The following C15orf40 variants were observed in gnomAD, a reference collection of about 807,000 sequenced individuals.
The protein encoded by C15orf40 is UPF0235 protein C15orf40.
Under a neutral mutation model 13.9 loss-of-function variants are expected in C15orf40, and 9 were observed. The ratio of observed to expected loss-of-function variants is 0.65; its 90% CI spans 0.39 to 1.13. The LOEUF (loss-of-function observed/expected upper bound fraction) is 1.13. C15orf40 is among the 50% of genes most tolerant of loss of function. C15orf40 has a pLI of 0.01. For missense variants in C15orf40, 225 were observed against 188.5 expected, an observed-to-expected ratio of 1.19 and a Z score of -1.13; for synonymous variants, 95 against 69.2, an observed-to-expected ratio of 1.37 and a Z score of -1.85.
Position 83,005,360 on chromosome 15 carries a change from C to T in C15orf40, c.*237G>A, listed in dbSNP as rs1200245767. The T allele has an allele frequency of 2.6e-6, 2 of 765,102 alleles. No individual in the cohort carries two copies. Among genetic ancestry groups the T allele is most frequent in the Non-Finnish European group, 3.3e-6 (2 of 604,020 alleles). 47.4% of individuals were successfully genotyped at this position (765,102 alleles called of 1,614,324 possible). A position where few individuals can be genotyped will look rare whatever the true frequency, so the allele number is the denominator to read the frequency against. The stretch of plus-strand genomic sequence containing the variant: ...AGTGCAACGGCGCGATCTCGGCTTA[C>T]TGCAACCTCCGCCCCCCAGGTTCAA... On this transcript the variant is annotated 3_prime_UTR_variant, in exon 4 of 4. Transcript: ENST00000304177.
At chr15:83,011,451 T>G in intron 1 of C15orf40, 46 bp downstream of exon 1, 1 of 1,548,318 alleles carries the variant, frequency 6.5e-7, no homozygotes. Flanking sequence ...CTTCAACAAG[T>G]ACCCCTGAGG....
chr15:82,990,996 GATT>G (rs773489171), downstream of C15orf40: 32 of 193,396 alleles, frequency 1.7e-4, no homozygotes, highest in Non-Finnish European at 3.1e-4. Context: ...TCACTTTAAT[GATT>G]ATTACAATGA....
rs758109349 is a variant in C15orf40, at chr15:83,008,651, A to G, written c.263T>C (p.Val88Ala). 2 of 1,611,526 alleles carry G rather than the reference A, an allele frequency of 1.2e-6. No homozygotes were observed. Among genetic ancestry groups the G allele is most frequent in the South Asian group, 2.2e-5 (2 of 90,418 alleles). Residue 88 changes from valine (V) to alanine (A), a missense_variant, in exon 3 of 4, where the codon GTA becomes GCA. By Grantham distance (64) the Val-to-Ala change is moderately conservative. Transcript: ENST00000304177. ...CTCTGATGGAGGTGCTGCAATAGCT[A>G]CATTTACAGCCTCTGCTGTCAAATC... The part of the protein sequence containing the change: ...VTDLTAEAVN[V>A]AIAAPPSEGE...
At position 83,004,371 on chromosome 15, in the gene C15orf40, G is replaced by A. The variant is rs964341373; in HGVS notation, c.*1226C>T. On this transcript the variant is annotated 3_prime_UTR_variant, in exon 4 of 4. Coordinates refer to ENST00000304177, the MANE Select transcript of C15orf40 (RefSeq NM_144597.3). ...CTTTCTCATGTACTTGCTGGACAAA[G>A]CGCACAACTGCAGATCAGCTCTCCT... The A allele has an allele frequency of 2.0e-6, 2 of 985,186 alleles. No individual in the cohort carries two copies. The highest frequency in any genetic ancestry group is 3.5e-5 in the African/African-American group (2 of 57,226). The allele number at this position is 985,186 out of a possible 1,614,324, so 61.0% of individuals were successfully genotyped here. A position where few individuals can be genotyped will look rare whatever the true frequency, so the allele number is the denominator to read the frequency against.
rs955371829 is a variant in C15orf40, at chr15:83,008,619, C to A, written c.295G>T (p.Ala99Ser). 6.2e-7 allele frequency: 1 copy of A among 1,613,834 alleles called. No individual in the cohort carries two copies. The highest frequency in any genetic ancestry group is 1.3e-5 in the African/African-American group (1 of 75,016). ...AGATACCGACAGAGCTCAGCATTAG[C>A]CTCTCCCTCTGATGGAGGTGCTGCA... ...AIAAPPSEGEANAELCRYLSK... is the reference protein window; with the variant it reads ...AIAAPPSEGESNAELCRYLSK... Residue 99 changes from alanine (A) to serine (S), a missense_variant, in exon 3 of 4, where the codon GCT (alanine) becomes TCT (serine). Physicochemically the swap from Ala to Ser is moderately conservative, Grantham distance 99 (BLOSUM62 1). Coordinates refer to ENST00000304177, the MANE Select transcript of C15orf40 (RefSeq NM_144597.3).
intron 3 of C15orf40, 49 bp from the exon 4 acceptor site, chr15:83,005,741 G>A (rs1228714118): frequency 6.4e-7 from 1 of 1,569,816 alleles, no homozygotes; most frequent in South Asian, 1.2e-5. Flanking sequence ...ACATTCTAAT[G>A]CTATTAGAGA....
downstream of C15orf40, chr15:82,992,046 T>C: frequency 1.7e-6 from 1 of 579,196 alleles, no homozygotes; most frequent in Non-Finnish European, 2.9e-6. Flanking sequence ...CAAGATCCTG[T>C]CTCTACAGAA....
chr15:82,991,354 GACCAA>G (rs1169459436), downstream of C15orf40, among the ~76,000 whole-genome samples: 1 of 152,082 alleles, frequency 6.6e-6, no homozygotes, highest in Non-Finnish European at 1.5e-5. Context: ...AGACCAGCCT[GACCAA>G]CATGATGAGA....
intron 3 of C15orf40, chr15:83,008,271 C>A (rs183920104): frequency 1.6e-5 from 6 of 364,216 alleles, no homozygotes; most frequent in South Asian, 1.2e-4. Context: ...CTAATCCCAG[C>A]GCTTCGGGAG....
At position 83,002,618 on chromosome 15, in the gene C15orf40, T is replaced by C. The variant is rs1213450249; in HGVS notation, c.*2979A>G. 6.6e-6 allele frequency: 1 copy of C among 152,214 alleles called. No individual in the cohort carries two copies. The highest frequency in any genetic ancestry group is 1.5e-5 in the Non-Finnish European group (1 of 68,046). 9.4% of individuals were successfully genotyped at this position (152,214 alleles called of 1,614,324 possible). ...TTTCATGTGACTTGATTTGGGCTGATACAAGGGAAGGCTGACTGAAAGCTT... is the reference window on the plus strand; with the variant it reads ...TTTCATGTGACTTGATTTGGGCTGACACAAGGGAAGGCTGACTGAAAGCTT... On this transcript the variant is annotated 3_prime_UTR_variant, in exon 4 of 4. Coordinates refer to ENST00000304177, the MANE Select transcript of C15orf40 (RefSeq NM_144597.3).
At position 83,005,308 on chromosome 15, in the gene C15orf40, G is replaced by A. The variant is rs986856541; in HGVS notation, c.*289C>T. The A allele has an allele frequency of 2.5e-5, 24 of 974,520 alleles. No homozygotes were observed. The highest frequency in any genetic ancestry group is 5.6e-5 in the Admixed American group (1 of 17,772). The allele number at this position is 974,520 out of a possible 1,614,324, so 60.4% of individuals were successfully genotyped here. A position where few individuals can be genotyped will look rare whatever the true frequency, so the allele number is the denominator to read the frequency against. On this transcript the variant is annotated 3_prime_UTR_variant, in exon 4 of 4. Transcript: ENST00000304177. ...TTATTTCTTTTTTTTCGGGGGGAGAGAGTTTCACTCTTGTTGCCCAGGCTG... is the reference window on the plus strand; with the variant it reads ...TTATTTCTTTTTTTTCGGGGGGAGAAAGTTTCACTCTTGTTGCCCAGGCTG...
At chr15:82,989,050 T>G (rs771303715), downstream of C15orf40, 13 of 1,613,408 alleles carry the variant, frequency 8.1e-6, no homozygotes, top group South Asian at 1.3e-4. Context: ...GTTCCAAAGT[T>G]TGAAGAGATG....
In C15orf40 at chr15:82,998,114, C is replaced by A. The variant is rs895852493; in HGVS notation, c.*7483G>T. 2 of 122,572 alleles carry A rather than the reference C, an allele frequency of 1.6e-5. No homozygotes were observed. The highest frequency in any genetic ancestry group is 6.3e-5 in the African/African-American group (2 of 31,612). The allele number at this position is 122,572 out of a possible 1,614,324, so 7.6% of individuals were successfully genotyped here. A position where few individuals can be genotyped will look rare whatever the true frequency, so the allele number is the denominator to read the frequency against. ...GGGGCTCCTCACTTCCCAGTAGGGGCGGCCGGGCAGAGGCGCCCCTCACCT... is the reference window on the plus strand; with the variant it reads ...GGGGCTCCTCACTTCCCAGTAGGGGAGGCCGGGCAGAGGCGCCCCTCACCT... On this transcript the variant is annotated 3_prime_UTR_variant, in exon 4 of 4. Coordinates refer to ENST00000304177, the MANE Select transcript of C15orf40 (RefSeq NM_144597.3).
downstream of C15orf40, among the ~76,000 whole-genome samples, chr15:82,989,663 T>C (rs2030774034): frequency 2.0e-5 from 3 of 152,248 alleles, no homozygotes; most frequent in Non-Finnish European, 2.9e-5. Flanking sequence ...ATAGTCTGCC[T>C]ATGTCTCTGT....
Position 83,001,249 on chromosome 15 carries a change from A to G in C15orf40, c.*4348T>C. 1 of 985,474 alleles carries G rather than the reference A, an allele frequency of 1.0e-6. No homozygotes were observed. Among genetic ancestry groups the G allele is most frequent in the Non-Finnish European group, 1.2e-6 (1 of 829,942 alleles). 61.0% of individuals were successfully genotyped at this position (985,474 alleles called of 1,614,324 possible). A position where few individuals can be genotyped will look rare whatever the true frequency, so the allele number is the denominator to read the frequency against. The stretch of plus-strand genomic sequence containing the variant: ...TCCTGCCTCCAGGGCATAATGAGCC[A>G]GGCTGTTCTTTCCCAGGATCTGTCG... On this transcript the variant is annotated 3_prime_UTR_variant, in exon 4 of 4. Coordinates refer to ENST00000304177, the MANE Select transcript of C15orf40 (RefSeq NM_144597.3).
chr15:83,011,597 A>G lies in C15orf40; in HGVS notation c.11T>C (p.Leu4Pro), dbSNP rs753453555. The G allele has an allele frequency of 2.5e-6, 4 of 1,585,264 alleles. No homozygotes were observed. The Admixed American group carries it at 5.1e-5, about 20-fold the overall frequency. The stretch of plus-strand genomic sequence containing the variant: ...CCGAAGGTGCCTCAGCCCGCTGCGG[A>G]GCCGCAGCATCCCCGCCTGGGAAGG... MLR[L>P]RSGLRHLRAT... Residue 4 changes from leucine to proline, a missense_variant, in exon 1 of 4, where the codon CTC (leucine) becomes CCC (proline). Coordinates refer to ENST00000304177, the MANE Select transcript of C15orf40 (RefSeq NM_144597.3).
At chr15:82,990,731 T>A (rs2030822550), downstream of C15orf40, 4 of 1,237,874 alleles carry the variant, frequency 3.2e-6, no homozygotes, top group Non-Finnish European at 4.6e-6. Context: ...ACACATCATT[T>A]TATACAAACA....
At chr15:82,990,772 C>T (rs950699482), downstream of C15orf40, 1 of 785,716 alleles carries the variant, frequency 1.3e-6, no homozygotes, top group Non-Finnish European at 2.1e-6. Flanking sequence ...CATAGCAGGT[C>T]AAAATTCACA....
Position 83,000,595 on chromosome 15 carries a change from TTG to T in C15orf40, c.*5000_*5001del, listed in dbSNP as rs1165085942. On this transcript the variant is annotated 3_prime_UTR_variant, in exon 4 of 4. Transcript: ENST00000304177. The stretch of plus-strand genomic sequence containing the variant: ...TTTCAGTTTGTGTGGCTTTTTGCTG[TTG>T]TGTTATGGTGCCACCTCTTGGATGT... The T allele has an allele frequency of 6.6e-6, 1 of 152,250 alleles. No homozygotes were observed. The highest frequency in any genetic ancestry group is 2.4e-5 in the African/African-American group (1 of 41,462). The allele number at this position is 152,250 out of a possible 1,614,324, so 9.4% of individuals were successfully genotyped here. A position where few individuals can be genotyped will look rare whatever the true frequency, so the allele number is the denominator to read the frequency against.
Sources: gnomAD v4.1 joint callset for allele counts (sites outside exome capture counted in the v4.1 genomes callset) on GRCh38, gnomAD v4.1.1 for gene constraint, MANE v1.5 for transcripts, NCBI Gene and HGNC (gene_info 2026-07-23, HGNC 2026-07-21) for gene names.